ANKFN1: variants seen among roughly 807,000 people sequenced by gnomAD.
ANKFN1 encodes ankyrin repeat and fibronectin type III domain containing 1, also known as ankyrin repeat and fibronectin type-III domain-containing protein 1.
Under a neutral mutation model 108.7 loss-of-function variants are expected in ANKFN1, and 74 were observed. That is an observed-to-expected ratio of 0.68 (90% CI 0.56 to 0.83). ANKFN1 has a LOEUF of 0.83. Among genes scored for constraint, ANKFN1 ranks in the 40% least tolerant of loss-of-function variants. The pLI is 0.00. For synonymous variants in ANKFN1, 547 were observed against 516.2 expected (o/e 1.06, Z -0.81); for missense variants, 1,505 against 1,382.3 (o/e 1.09, Z -1.41).
intron 1 of ANKFN1, among the ~76,000 whole-genome samples, chr17:56,194,100 A>G (rs1323592057): frequency 1.3e-5 from 2 of 152,240 alleles, no homozygotes; most frequent in Admixed American, 6.5e-5. Flanking sequence ...TAGAATGGCC[A>G]AAATCCAGAA....
At chr17:56,078,341 G>A (rs76551422) in intron 4 of ANKFN1, among the ~76,000 whole-genome samples, 3,000 of 152,218 alleles carry the variant, frequency 0.02, 47 homozygotes, top group South Asian at 0.039. Flanking sequence ...CAGAGATGGT[G>A]AATCTTCTCT....
At chr17:56,253,938 G>GT (rs1454655580) in intron 3 of ANKFN1, among the ~76,000 whole-genome samples, 15 of 152,114 alleles carry the variant, frequency 9.9e-5, no homozygotes, top group Non-Finnish European at 7.4e-5. Context: ...TATCTTCTGT[G>GT]TAAGCCCTAT....
chr17:56,322,718 C>T (rs565565921), intron 3 of ANKFN1, among the ~76,000 whole-genome samples: 12 of 152,318 alleles, frequency 7.9e-5, no homozygotes, highest in South Asian at 4.2e-4. Context: ...CCAGTTCAAA[C>T]GCCACCTTCT....
intron 4 of ANKFN1, among the ~76,000 whole-genome samples, chr17:56,335,801 AAAGG>A (rs1472409633): frequency 6.6e-6 from 1 of 151,456 alleles, no homozygotes; most frequent in Non-Finnish European, 1.5e-5. Context: ...GCCAGTTTTC[AAAGG>A]GAGGGCTTCC....
intron 4 of ANKFN1, among the ~76,000 whole-genome samples, chr17:56,334,986 G>A (rs976307163): frequency 1.1e-4 from 16 of 151,968 alleles, no homozygotes; most frequent in Admixed American, 5.2e-4. Context: ...ATAGGGAATC[G>A]TTTCCCCATT....
intron 4 of ANKFN1, among the ~76,000 whole-genome samples, chr17:56,048,722 A>G (rs1350467554): frequency 6.6e-6 from 1 of 152,232 alleles, no homozygotes; most frequent in Non-Finnish European, 1.5e-5. Flanking sequence ...ATCCTGTCCC[A>G]GGGCACCTGA....
At chr17:56,310,779 A>G (rs2044999040) in intron 3 of ANKFN1, among the ~76,000 whole-genome samples, 1 of 140,792 alleles carries the variant, frequency 7.1e-6, no homozygotes, top group African/African-American at 2.7e-5. Context: ...TGTGTAGAAC[A>G]TTGAAGATCT....
chr17:56,422,789 C>T (rs895615633), intron 8 of ANKFN1, among the ~76,000 whole-genome samples: 3 of 152,136 alleles, frequency 2.0e-5, no homozygotes, highest in Admixed American at 6.5e-5. Flanking sequence ...TTAGCATTTT[C>T]CACTAAAAAA....
intron 4 of ANKFN1, among the ~76,000 whole-genome samples, chr17:56,059,800 G>A (rs1458930957): frequency 6.6e-6 from 1 of 152,082 alleles, no homozygotes; most frequent in Non-Finnish European, 1.5e-5. Context: ...GTCTATTTTG[G>A]TAACAGTACT....
At chr17:56,422,150 T>C (rs2048424674) in intron 8 of ANKFN1, among the ~76,000 whole-genome samples, 1 of 152,200 alleles carries the variant, frequency 6.6e-6, no homozygotes, top group Non-Finnish European at 1.5e-5. Flanking sequence ...AGTCAGATAA[T>C]TTGTGCATAA....
chr17:56,423,873 T>A (rs942672337), intron 8 of ANKFN1, among the ~76,000 whole-genome samples: 2 of 152,208 alleles, frequency 1.3e-5, no homozygotes, highest in Non-Finnish European at 2.9e-5. Flanking sequence ...GATAAATTCT[T>A]ATTTTTGTTT....
intron 3 of ANKFN1, among the ~76,000 whole-genome samples, chr17:56,231,788 T>A (rs1240350735): frequency 6.6e-6 from 1 of 152,166 alleles, no homozygotes; most frequent in Non-Finnish European, 1.5e-5. Context: ...GAAAATATGA[T>A]TTTACTGTGT....
At chr17:56,441,447 G>C (rs151063940) in intron 9 of ANKFN1, among the ~76,000 whole-genome samples, 2 of 152,142 alleles carry the variant, frequency 1.3e-5, no homozygotes, top group East Asian at 3.9e-4. Flanking sequence ...GAATCCTGAC[G>C]TTTAGTCCTA....
chr17:56,353,753 C>A, intron 5 of ANKFN1, 83 bp from the exon 6 acceptor site: 1 of 1,245,414 alleles, frequency 8.0e-7, no homozygotes, highest in Non-Finnish European at 1.2e-6. Context: ...GTCCCTGAAA[C>A]AGTCTTTAAA....
At chr17:56,050,839 A>G (rs1215655188) in intron 4 of ANKFN1, among the ~76,000 whole-genome samples, 1 of 151,956 alleles carries the variant, frequency 6.6e-6, no homozygotes, top group Non-Finnish European at 1.5e-5. Context: ...AAATTCCTCG[A>G]CACATACACT....
At chr17:56,354,978 T>C (rs901651923) in intron 6 of ANKFN1, among the ~76,000 whole-genome samples, 2 of 152,300 alleles carry the variant, frequency 1.3e-5, no homozygotes, top group Admixed American at 6.5e-5. Context: ...CATATGGTAG[T>C]TCTATTTTTA....
intron 8 of ANKFN1, among the ~76,000 whole-genome samples, chr17:56,414,398 G>A (rs764853447): frequency 6.6e-5 from 10 of 152,126 alleles, no homozygotes; most frequent in Non-Finnish European, 1.2e-4. Flanking sequence ...ATTCTACAAG[G>A]CTAGTATTAC....
chr17:56,157,437 C>T (rs1221766824), intron 1 of ANKFN1, among the ~76,000 whole-genome samples: 1 of 152,206 alleles, frequency 6.6e-6, no homozygotes, highest in Non-Finnish European at 1.5e-5. Flanking sequence ...ACTTTATACC[C>T]TCGGATGACC....
At chr17:56,093,882 A>G (rs1156330538) in intron 4 of ANKFN1, among the ~76,000 whole-genome samples, 1 of 151,318 alleles carries the variant, frequency 6.6e-6, no homozygotes, top group Non-Finnish European at 1.5e-5. Flanking sequence ...TTGAAGTCCT[A>G]ATCCCCAATA....
Sources: allele counts gnomAD v4.1 joint callset (sites outside exome capture counted in the v4.1 genomes callset), GRCh38; gene constraint gnomAD v4.1.1; transcripts MANE v1.5; gene names NCBI Gene and HGNC (gene_info 2026-07-23, HGNC 2026-07-21).